Variants in DLGAP1 observed in about 807,000 individuals in gnomAD.
The protein encoded by DLGAP1 is DLG associated protein 1, also known as disks large-associated protein 1.
A neutral mutation model predicts 90.8 loss-of-function variants in DLGAP1; 11 were observed. The observed-to-expected ratio is 0.12, with a 90% confidence interval of 0.08 to 0.20. The LOEUF is 0.20. Ranked by LOEUF, DLGAP1 falls within the 10% of genes least tolerant of loss-of-function variation. The pLI, the probability that DLGAP1 is intolerant of heterozygous loss-of-function variation, is 1.00. For missense variants in DLGAP1, 1,050 were observed against 1,333.8 expected (o/e 0.79, Z 3.31); for synonymous variants, 558 against 540.7 (o/e 1.03, Z -0.44).
chr18:3,832,416 T>G (rs1398282367), intron 4 of DLGAP1, among the ~76,000 whole-genome samples: 3 of 152,336 alleles, frequency 2.0e-5, no homozygotes, highest in Non-Finnish European at 2.9e-5. Context: ...TGCTTCCTCC[T>G]AGTAACGATG....
At chr18:4,158,806 T>C (rs994926970) in intron 1 of DLGAP1, among the ~76,000 whole-genome samples, 8 of 152,320 alleles carry the variant, frequency 5.3e-5, no homozygotes, top group East Asian at 1.9e-4. Flanking sequence ...AAGTCAGTGA[T>C]AAAAGAAATT....
rs2049687664 is a variant in DLGAP1, at chr18:3,496,038, G to A, written c.*3147C>T. 6.6e-6 allele frequency: 1 copy of A among 152,146 alleles called. No homozygotes were observed. The highest frequency in any genetic ancestry group is 1.5e-5 in the Non-Finnish European group (1 of 68,020). 9.4% of individuals were successfully genotyped at this position (152,146 alleles called of 1,614,324 possible). On this transcript the variant is annotated 3_prime_UTR_variant, in exon 13 of 13. Coordinates refer to ENST00000315677, the MANE Select transcript of DLGAP1 (RefSeq NM_004746.4). ...AAAAACACACAGACCTGAAAGCAGT[G>A]CATTAATTATTTTATTAATTTCTTC...
At chr18:4,079,691 A>AATATATATATATATATATAT (rs10597845) in intron 2 of DLGAP1, among the ~76,000 whole-genome samples, 2 of 146,576 alleles carry the variant, frequency 1.4e-5, no homozygotes, top group African/African-American at 5.0e-5. Flanking sequence ...ATTGAAATTA[A>AATATATATATATATATATAT]ATATATATAT....
chr18:4,339,517 C>A (rs1210310108), intron 1 of DLGAP1, among the ~76,000 whole-genome samples: 1 of 152,072 alleles, frequency 6.6e-6, no homozygotes, highest in African/African-American at 2.4e-5. Context: ...GTAAAAAATA[C>A]AGTCTATACA....
At chr18:4,423,851 TAAA>T (rs36053501) in intron 1 of DLGAP1, among the ~76,000 whole-genome samples, 7 of 120,644 alleles carry the variant, frequency 5.8e-5, no homozygotes, top group African/African-American at 1.9e-4. Context: ...CCCAGGAATT[TAAA>T]AAAAAAAAAA....
chr18:3,748,455 G>A (rs2063363308), intron 5 of DLGAP1, among the ~76,000 whole-genome samples: 1 of 152,218 alleles, frequency 6.6e-6, no homozygotes, highest in Non-Finnish European at 1.5e-5. Context: ...CCAGGTTATG[G>A]AGTCTAATGG....
In DLGAP1 at chr18:3,838,998, T is replaced by A. The variant is rs1388302259; in HGVS notation, c.958-24725A>T. Among the ~76,000 whole-genome samples the A allele has an allele frequency of 1.3e-5, 2 of 152,220 alleles. 1 individual carries two copies. The highest frequency in any genetic ancestry group is 2.9e-5 in the Non-Finnish European group (2 of 68,044). On this transcript the variant is annotated intron_variant, in intron 4 of 12. Transcript: ENST00000315677. ...AGAAAACTTGTTCCTAAATTTTATC[T>A]TAGATATTGAACTACTAAATAGATG... is the stretch of plus-strand genomic sequence containing the variant.
intron 5 of DLGAP1, among the ~76,000 whole-genome samples, chr18:3,764,870 G>T (rs1193344279): frequency 6.6e-6 from 1 of 152,074 alleles, no homozygotes; most frequent in African/African-American, 2.4e-5. Flanking sequence ...GTTCTAGGTT[G>T]AGCTTAGGTG....
chr18:4,106,031 CAAAAAAAAA>C, intron 2 of DLGAP1, among the ~76,000 whole-genome samples: 1 of 102,274 alleles, frequency 9.8e-6, no homozygotes, highest in Non-Finnish European at 2.0e-5. Flanking sequence ...GGGTCCGTCT[CAAAAAAAAA>C]AAAAAAAAAA....
chr18:4,091,278 T>C (rs772084001), intron 2 of DLGAP1, among the ~76,000 whole-genome samples: 1 of 152,226 alleles, frequency 6.6e-6, no homozygotes, highest in Non-Finnish European at 1.5e-5. Flanking sequence ...AAAATTCTCA[T>C]CTTTATTCTT....
At chr18:3,834,747 C>G (rs772945558) in intron 4 of DLGAP1, among the ~76,000 whole-genome samples, 11 of 152,142 alleles carry the variant, frequency 7.2e-5, no homozygotes, top group Non-Finnish European at 1.5e-4. Context: ...TTACTTTTAA[C>G]CCTGTATCAA....
intron 1 of DLGAP1, among the ~76,000 whole-genome samples, chr18:4,242,631 C>T (rs1373351864): frequency 1.3e-5 from 2 of 152,140 alleles, no homozygotes; most frequent in African/African-American, 4.8e-5. Flanking sequence ...GCGGGAAGGG[C>T]AGGCAGTGGC....
At chr18:3,783,310 G>A (rs2065287696) in intron 5 of DLGAP1, among the ~76,000 whole-genome samples, 1 of 152,034 alleles carries the variant, frequency 6.6e-6, no homozygotes, top group Admixed American at 6.6e-5. Context: ...TATATACTTG[G>A]GAGGAATGAA....
chr18:3,826,358 C>T (rs1415042672), intron 4 of DLGAP1, among the ~76,000 whole-genome samples: 9 of 152,004 alleles, frequency 5.9e-5, no homozygotes, highest in South Asian at 2.1e-4. Context: ...GGCAATGATA[C>T]GTACTATGGA....
rs114648492 is a variant in DLGAP1, at chr18:3,717,386, G to A, written c.1591+11749C>T. Among the ~76,000 whole-genome samples the A allele has an allele frequency of 3.6e-3, 547 of 152,202 alleles. 7 individuals are homozygous for A. The highest frequency in any genetic ancestry group is 0.013 in the African/African-American group (524 of 41,540). On this transcript the variant is annotated intron_variant, in intron 7 of 12. Transcript: ENST00000315677. Reference sequence around the variant, plus strand: ...GTGGGTAGGAATTTCACCTCCACGGGGCTTTGGACAAGAAAGTGCAGAGAA... The same window carrying A: ...GTGGGTAGGAATTTCACCTCCACGGAGCTTTGGACAAGAAAGTGCAGAGAA...
intron 5 of DLGAP1, among the ~76,000 whole-genome samples, chr18:3,755,449 C>T (rs1002633209): frequency 2.0e-5 from 3 of 151,712 alleles, no homozygotes; most frequent in African/African-American, 7.3e-5. Context: ...AAAAATATAG[C>T]ATGCAAAAAA....
chr18:3,922,002 G>A (rs1456763401), intron 3 of DLGAP1, among the ~76,000 whole-genome samples: 1 of 152,066 alleles, frequency 6.6e-6, no homozygotes, highest in African/African-American at 2.4e-5. Flanking sequence ...CCTCAGACCT[G>A]AGGGGATGCC....
At chr18:3,916,561 T>G (rs4798144) in intron 3 of DLGAP1, among the ~76,000 whole-genome samples, 49,121 of 152,000 alleles carry the variant, frequency 0.32, 9,224 homozygotes, top group Admixed American at 0.45. Context: ...GCTTGAACAT[T>G]CACTCACATG....
chr18:3,743,994 G>A lies in DLGAP1; in HGVS notation c.1173-1482C>T, dbSNP rs372907832. The stretch of plus-strand genomic sequence containing the variant: ...GTTTCTTTTCACATGGTATTAGTGC[G>A]ATTTTTCTTTCTTTATTAGATTTCT... On this transcript the variant is annotated intron_variant, in intron 5 of 12. Coordinates refer to ENST00000315677, the MANE Select transcript of DLGAP1 (RefSeq NM_004746.4). 1.1e-4 allele frequency among the ~76,000 whole-genome samples: 17 copies of A among 152,206 alleles called. No individual in the cohort carries two copies. In the East Asian group the frequency reaches 2.9e-3, roughly 26 times the overall value.
Sources: gnomAD v4.1 joint callset for allele counts (sites outside exome capture counted in the v4.1 genomes callset) on GRCh38, gnomAD v4.1.1 for gene constraint, MANE v1.5 for transcripts, NCBI Gene and HGNC (gene_info 2026-07-23, HGNC 2026-07-21) for gene names.